Variants in MMRN1 observed in about 807,000 individuals in gnomAD.
MMRN1 encodes multimerin 1, also known as multimerin-1.
Under a neutral mutation model 100.7 loss-of-function variants are expected in MMRN1, and 94 were observed. That is an observed-to-expected ratio of 0.93 (90% CI 0.79 to 1.11). The LOEUF is 1.11. Ranked by LOEUF, MMRN1 falls within the 50% of genes least tolerant of loss-of-function variation. The pLI, the probability that MMRN1 is intolerant of heterozygous loss-of-function variation, is 0.00. For missense variants in MMRN1, 1,606 were observed against 1,439.1 expected (o/e 1.12, Z -1.88); for synonymous variants, 575 against 505.0 (o/e 1.14, Z -1.86).
chr4:89,937,094 CA>C (rs1386466778), intron 6 of MMRN1, among the ~76,000 whole-genome samples: 1 of 152,016 alleles, frequency 6.6e-6, no homozygotes, highest in Non-Finnish European at 1.5e-5. Context: ...TTGCTTTGCA[CA>C]AGTAATTAAA....
rs566591762 is a variant in MMRN1, at chr4:89,949,776, T to A, written c.3119-1829T>A. Among the ~76,000 whole-genome samples the A allele has an allele frequency of 1.8e-4, 28 of 152,330 alleles. No homozygotes were observed. In the East Asian group the frequency reaches 4.6e-3, roughly 25 times the overall value. ...ATTAATATATTTGCTTTGCAAAAAATTTTAATAATACAGGCATGCCGTTTG... is the reference window on the plus strand; with the variant it reads ...ATTAATATATTTGCTTTGCAAAAAAATTTAATAATACAGGCATGCCGTTTG... On this transcript the variant is annotated intron_variant, in intron 6 of 7. Transcript: ENST00000264790.
At chr4:89,917,972 GA>G (rs1379613260) in intron 3 of MMRN1, among the ~76,000 whole-genome samples, 1 of 151,624 alleles carries the variant, frequency 6.6e-6, no homozygotes, top group Non-Finnish European at 1.5e-5. Flanking sequence ...TTAGTTTATA[GA>G]GCTTTGTTAA....
chr4:89,881,248 C>T (rs573981946), intron 1 of MMRN1, among the ~76,000 whole-genome samples: 4 of 152,190 alleles, frequency 2.6e-5, no homozygotes, highest in Admixed American at 6.5e-5. Context: ...AGTTTAAATT[C>T]CAATCTGGCA....
intron 2 of MMRN1, among the ~76,000 whole-genome samples, chr4:89,910,543 G>C (rs1381382371): frequency 6.6e-6 from 1 of 151,212 alleles, no homozygotes; most frequent in East Asian, 1.9e-4. Flanking sequence ...TGAGCTACAT[G>C]CAACAGATAT....
Position 89,936,686 on chromosome 4 carries a change from G to A in MMRN1, c.3006G>A (p.Lys1002=), listed in dbSNP as rs1467392570. The A allele has an allele frequency of 6.2e-7, 1 of 1,613,430 alleles. No homozygotes were observed. The highest frequency in any genetic ancestry group is 1.7e-5 in the Admixed American group (1 of 59,936). Residue 1002 remains lysine, a synonymous_variant, in exon 6 of 8, where the codon AAG becomes AAA. Coordinates refer to ENST00000264790, the MANE Select transcript of MMRN1 (RefSeq NM_007351.3). ...GSLANVVKSQ[K]QVKSLPKKIN... ...TGGCAAATGTTGTCAAGTCTCAGAA[G>A]CAAGTAAAATCATTGCCAAAGAAAA...
chr4:89,933,093 T>C (rs1722493579), intron 5 of MMRN1, among the ~76,000 whole-genome samples: 2 of 152,232 alleles, frequency 1.3e-5, no homozygotes, highest in Non-Finnish European at 2.9e-5. Flanking sequence ...TTGAACTCTC[T>C]GCTGCTTAGA....
chr4:89,947,858 T>C (rs1723035866), intron 6 of MMRN1, among the ~76,000 whole-genome samples: 1 of 152,188 alleles, frequency 6.6e-6, no homozygotes, highest in African/African-American at 2.4e-5. Context: ...GATTTTGTTT[T>C]GTTTTGTTTT....
intron 6 of MMRN1, among the ~76,000 whole-genome samples, chr4:89,942,214 C>T (rs1722853430): frequency 6.6e-6 from 1 of 152,120 alleles, no homozygotes; most frequent in African/African-American, 2.4e-5. Context: ...GGAGCTACTT[C>T]CCAACAATAG....
rs1400106058 is a variant in MMRN1 at position 89,923,175 on chromosome 4, A to G, written c.858A>G (p.Glu286=). Residue 286 remains glutamate, a synonymous_variant, in exon 4 of 8, where the codon GAA becomes GAG. Transcript: ENST00000264790. Reference sequence around the variant, plus strand: ...CTTTCTGCTTCCTTCTAGCCCAGGAACAGCAAAGTTTGATACACACCAACC... The same window carrying G: ...CTTTCTGCTTCCTTCTAGCCCAGGAGCAGCAAAGTTTGATACACACCAACC... ...SGPKCQLRAQ[E]QQSLIHTNQA... The G allele has an allele frequency of 6.2e-7, 1 of 1,613,772 alleles. No homozygotes were observed. The highest frequency in any genetic ancestry group is 2.2e-5 in the East Asian group (1 of 44,848).
intron 1 of MMRN1, among the ~76,000 whole-genome samples, chr4:89,889,618 G>A (rs561098844): frequency 6.6e-6 from 1 of 152,030 alleles, no homozygotes; most frequent in African/African-American, 2.4e-5. Flanking sequence ...CTGTATTCCC[G>A]AGTGCAGCCC....
rs1331688200 is a variant in MMRN1 at position 89,936,189 on chromosome 4, T to C, written c.2509T>C (p.Tyr837His). The C allele has an allele frequency of 1.2e-6, 2 of 1,608,846 alleles. No homozygotes were observed. The highest frequency in any genetic ancestry group is 1.7e-6 in the Non-Finnish European group (2 of 1,178,700). ...TGAAACCACTTCCCAAGTGAGAAAA[T>C]ACCAGCAAAATATGAGTCATTTGGA... Reference protein sequence around the residue: ...FNETTSQVRKYQQNMSHLEEK... With the variant: ...FNETTSQVRKHQQNMSHLEEK... The change falls in exon 6 of 8, where the codon TAC becomes CAC. Residue 837 changes from tyrosine to histidine, a missense_variant. Transcript: ENST00000264790.
chr4:89,901,266 A>G lies in MMRN1; in HGVS notation c.623+5672A>G, dbSNP rs184259169. 1.6e-3 allele frequency among the ~76,000 whole-genome samples: 238 copies of G among 152,168 alleles called. 1 individual carries two copies. Among genetic ancestry groups the G allele is most frequent in the African/African-American group, 5.5e-3 (227 of 41,564 alleles). On this transcript the variant is annotated intron_variant, in intron 1 of 7. Coordinates refer to ENST00000264790, the MANE Select transcript of MMRN1 (RefSeq NM_007351.3). Reference sequence around the variant, plus strand: ...CATTTTAAATACAGAGGGCTCATACATATGTTAACATGTTAATGAGAAGGG... The same window carrying G: ...CATTTTAAATACAGAGGGCTCATACGTATGTTAACATGTTAATGAGAAGGG...
chr4:89,897,160 C>T (rs1721231273), intron 1 of MMRN1, among the ~76,000 whole-genome samples: 1 of 151,924 alleles, frequency 6.6e-6, no homozygotes, highest in African/African-American at 2.4e-5. Flanking sequence ...CAGTAAAACC[C>T]TTGGACATTC....
rs117252260 is a variant in MMRN1, at chr4:89,917,363, G to T, written c.850+5313G>T. Among the ~76,000 whole-genome samples, 8 of 151,876 alleles carry T rather than the reference G, an allele frequency of 5.3e-5. No individual in the cohort carries two copies. In the East Asian group the frequency reaches 1.5e-3, roughly 29 times the overall value. ...TAAATCCTGTGTAAAATGCTTTTGT[G>T]ATTTGTATTGAGGTCTCTCCACTTC... On this transcript the variant is annotated intron_variant, in intron 3 of 7. Transcript: ENST00000264790.
intron 3 of MMRN1, among the ~76,000 whole-genome samples, chr4:89,921,849 T>C (rs1351663176): frequency 6.6e-6 from 1 of 151,818 alleles, no homozygotes; most frequent in Non-Finnish European, 1.5e-5. Flanking sequence ...TCCTGTGGAG[T>C]AGAGAAGCTT....
At chr4:89,928,922 A>T (rs1722349439) in intron 5 of MMRN1, among the ~76,000 whole-genome samples, 1 of 152,136 alleles carries the variant, frequency 6.6e-6, no homozygotes, top group Non-Finnish European at 1.5e-5. Context: ...GGTGTGTATT[A>T]TTCTGCCTAC....
At chr4:89,894,409 A>G (rs1032877365), upstream of MMRN1, among the ~76,000 whole-genome samples, 11 of 152,200 alleles carry the variant, frequency 7.2e-5, no homozygotes, top group Non-Finnish European at 1.3e-4. Flanking sequence ...GAAAGGATAG[A>G]GACACTGTAA....
At chr4:89,943,148 C>T (rs934853319) in intron 6 of MMRN1, among the ~76,000 whole-genome samples, 2 of 152,108 alleles carry the variant, frequency 1.3e-5, no homozygotes, top group Non-Finnish European at 2.9e-5. Context: ...GGAGGATAAG[C>T]ACATCTGATG....
chr4:89,902,542 A>G (rs1330549773), intron 1 of MMRN1, among the ~76,000 whole-genome samples: 1 of 152,102 alleles, frequency 6.6e-6, no homozygotes, highest in South Asian at 2.1e-4. Context: ...TGTGATGGCC[A>G]TACATTCGGC....
Sources: allele counts gnomAD v4.1 joint callset (sites outside exome capture counted in the v4.1 genomes callset), GRCh38; gene constraint gnomAD v4.1.1; transcripts MANE v1.5; gene names NCBI Gene and HGNC (gene_info 2026-07-23, HGNC 2026-07-21).